Variants in PCDHGA1 observed in about 807,000 individuals in gnomAD.
The protein encoded by PCDHGA1 is protocadherin gamma subfamily A, 1.
A neutral mutation model predicts 58.0 loss-of-function variants in PCDHGA1; 32 were observed. The observed-to-expected ratio is 0.55, with a 90% confidence interval of 0.42 to 0.74. The LOEUF (loss-of-function observed/expected upper bound fraction) is 0.74, where lower values mean the gene tolerates loss of function less well. Among genes scored for constraint, PCDHGA1 ranks in the 30% least tolerant of loss-of-function variants. The pLI is 0.00. For missense variants in PCDHGA1, 1,205 were observed against 1,182.3 expected (o/e 1.02, Z -0.28); for synonymous variants, 498 against 501.1 (o/e 0.99, Z 0.08).
intron 1 of PCDHGA1, chr5:141,415,740 GTTTTTTTTTTTTTTTTTTTTT>G: frequency 1.6e-6 from 1 of 617,990 alleles, no homozygotes; most frequent in Non-Finnish European, 2.1e-6. Context: ...GTTTATTAAG[GTTTTTTTTTTTTTTTTTTTTT>G]TTTTTTTTTT....
chr5:141,382,964 C>A (rs373652237), intron 1 of PCDHGA1: 1 of 1,608,238 alleles, frequency 6.2e-7, no homozygotes. Context: ...CTCCTGGGGA[C>A]CCCCTGGGAA....
intron 1 of PCDHGA1, among the ~76,000 whole-genome samples, chr5:141,469,808 A>C (rs1253675252): frequency 2.0e-5 from 3 of 152,174 alleles, no homozygotes; most frequent in Admixed American, 6.5e-5. Flanking sequence ...AAAACATTGT[A>C]GATAGAATGG....
chr5:141,485,543 G>C lies in PCDHGA1; in HGVS notation c.2422-9264G>C. 1.9e-6 allele frequency: 3 copies of C among 1,614,092 alleles called. No homozygotes were observed. The highest frequency in any genetic ancestry group is 2.5e-6 in the Non-Finnish European group (3 of 1,179,972). On this transcript the variant is annotated intron_variant, in intron 1 of 3. Coordinates refer to ENST00000517417, the MANE Select transcript of PCDHGA1 (RefSeq NM_018912.3). This position sits in a 1 kb window ranked among gnomAD's most constrained non-coding sequence, Gnocchi z 5.7. Reference sequence around the variant, plus strand: ...AATGTACCGAGCAGAGGTAGAGATCGTAGATGTGAATGATCACGCCCCCCG... The same window carrying C: ...AATGTACCGAGCAGAGGTAGAGATCCTAGATGTGAATGATCACGCCCCCCG...
Position 141,511,231 on chromosome 5 carries a change from C to T in PCDHGA1, c.*58C>T. On this transcript the variant is annotated 3_prime_UTR_variant, in exon 4 of 4. Coordinates refer to ENST00000517417, the MANE Select transcript of PCDHGA1 (RefSeq NM_018912.3). ...CTCTCCCCAACCAGCCCAGCTTCTC[C>T]TTACCTGCACCCAGGCCTCAGAGTT... 2 of 1,595,900 alleles carry T rather than the reference C, an allele frequency of 1.3e-6. No individual in the cohort carries two copies. The highest frequency in any genetic ancestry group is 2.2e-5 in the South Asian group (2 of 88,992).
At chr5:141,403,416 C>T in intron 1 of PCDHGA1, 1 of 1,614,034 alleles carries the variant, frequency 6.2e-7, no homozygotes, top group Non-Finnish European at 8.5e-7. Context: ...TATCCACTTC[C>T]AGAAGCTATT....
chr5:141,360,130 C>T lies in PCDHGA1; in HGVS notation c.2421+27025C>T, dbSNP rs769543573. On this transcript the variant is annotated intron_variant, in intron 1 of 3. Transcript: ENST00000517417. ...CTATGGGCAAAGGAGCAAAGGGAGCCAGAAGATGAAAGCGAGCTCAGGGAG... is the reference window on the plus strand; with the variant it reads ...CTATGGGCAAAGGAGCAAAGGGAGCTAGAAGATGAAAGCGAGCTCAGGGAG... 2.5e-6 allele frequency: 4 copies of T among 1,588,304 alleles called. No homozygotes were observed. In the Admixed American group the frequency reaches 7.0e-5, roughly 28 times the overall value.
chr5:141,493,908 G>A lies in PCDHGA1; in HGVS notation c.2422-899G>A, dbSNP rs1308946115. ...CTAGGAGTGCTCCATGAGAGTGTGT[G>A]ATGGGATAACACACCCCCTGGAAAG... On this transcript the variant is annotated intron_variant, in intron 1 of 3. Transcript: ENST00000517417. This position sits in a 1 kb window ranked among gnomAD's most constrained non-coding sequence, Gnocchi z 4.3. Among the ~76,000 whole-genome samples the A allele has an allele frequency of 6.6e-6, 1 of 152,208 alleles. No homozygotes were observed. The highest frequency in any genetic ancestry group is 1.5e-5 in the Non-Finnish European group (1 of 68,032).
chr5:141,418,759 C>T (rs527475797), intron 1 of PCDHGA1: 17 of 1,613,898 alleles, frequency 1.1e-5, no homozygotes, highest in Non-Finnish European at 1.4e-5. Flanking sequence ...CTACAGGAAA[C>T]ATTCTAACTC....
chr5:141,409,278 A>C, intron 1 of PCDHGA1: 1 of 1,614,022 alleles, frequency 6.2e-7, no homozygotes, highest in Non-Finnish European at 8.5e-7. Flanking sequence ...ATTTTGGAGA[A>C]TTCACCTCCA....
chr5:141,350,799 A>G (rs751350769), intron 1 of PCDHGA1: 2 of 1,613,900 alleles, frequency 1.2e-6, no homozygotes, highest in Non-Finnish European at 1.7e-6. Context: ...CTGTCAACGA[A>G]GGAAAGTCCT....
chr5:141,417,518 G>C (rs193231266), intron 1 of PCDHGA1: 8 of 257,454 alleles, frequency 3.1e-5, no homozygotes, highest in Non-Finnish European at 5.1e-5. Context: ...TATTTTGGCT[G>C]TCAACTCGTA....
chr5:141,350,877 G>T (rs749871543), intron 1 of PCDHGA1: 1 of 1,614,022 alleles, frequency 6.2e-7, no homozygotes, highest in Non-Finnish European at 8.5e-7. Context: ...AGCTCTCATC[G>T]CTTAATCCTG....
intron 1 of PCDHGA1, chr5:141,362,307 G>A (rs1762432335): frequency 6.2e-7 from 1 of 1,613,910 alleles, no homozygotes; most frequent in Non-Finnish European, 8.5e-7. Flanking sequence ...CAGATGCTTG[G>A]GACTGTTTTC....
intron 1 of PCDHGA1, among the ~76,000 whole-genome samples, chr5:141,473,915 A>G (rs1366378437): frequency 3.3e-5 from 5 of 152,162 alleles, no homozygotes; most frequent in Non-Finnish European, 5.9e-5. Flanking sequence ...GTCTTAAGAA[A>G]ACTATGAGCT....
rs2154586601 is a variant in PCDHGA1, at chr5:141,491,555, A to G, written c.2422-3252A>G. The G allele has an allele frequency of 6.2e-7, 1 of 1,613,986 alleles. No homozygotes were observed. The highest frequency in any genetic ancestry group is 2.2e-5 in the East Asian group (1 of 44,862). ...CTGCGGCCCACAGACTCGCAGAGCC[A>G]CTGCTACAGGACGTGCTTTTCACCG... On this transcript the variant is annotated intron_variant, in intron 1 of 3. Transcript: ENST00000517417. This position sits in a 1 kb window ranked among gnomAD's most constrained non-coding sequence, Gnocchi z 6.9.
At chr5:141,360,442 G>A in intron 1 of PCDHGA1, 2 of 1,613,972 alleles carry the variant, frequency 1.2e-6, no homozygotes, top group African/African-American at 2.7e-5. Context: ...GCCTCTGTGT[G>A]TTCTGGATTT....
intron 1 of PCDHGA1, chr5:141,391,341 C>G (rs2092360139): frequency 6.9e-6 from 1 of 145,086 alleles, no homozygotes. Flanking sequence ...GAGACAGAGT[C>G]TCTGTCTGTT....
At chr5:141,345,812 G>A in intron 1 of PCDHGA1, 1 of 1,613,864 alleles carries the variant, frequency 6.2e-7, no homozygotes, top group Non-Finnish European at 8.5e-7. Context: ...AGGTGGTGGC[G>A]GTGGACAGAG....
rs568542355 is a variant in PCDHGA1, at chr5:141,431,678, T to C, written c.2422-63129T>C. 4 of 1,614,084 alleles carry C rather than the reference T, an allele frequency of 2.5e-6. No individual in the cohort carries two copies. Among genetic ancestry groups the C allele is most frequent in the African/African-American group, 2.7e-5 (2 of 75,012 alleles). ...AGGGACAATATCAACAATAGGGGAG[T>C]TGGACCACGAGGAGTCAGGATTCTA... On this transcript the variant is annotated intron_variant, in intron 1 of 3. Transcript: ENST00000517417. The surrounding 1 kb of genome is among the most constrained non-coding windows in gnomAD (Gnocchi z 4.8).
Sources: gnomAD v4.1 joint callset for allele counts (sites outside exome capture counted in the v4.1 genomes callset) on GRCh38, gnomAD v4.1.1 for gene constraint, Gnocchi (gnomAD v3.1) non-coding constraint, MANE v1.5 for transcripts, NCBI Gene and HGNC (gene_info 2026-07-23, HGNC 2026-07-21) for gene names.